The following DENND1A variants were observed in gnomAD, a reference collection of about 807,000 sequenced individuals.
The protein encoded by DENND1A is DENN domain-containing protein 1A.
DENND1A carries 51 observed loss-of-function variants against 113.7 expected under a neutral mutation model. That is an observed-to-expected ratio of 0.45 (90% CI 0.36 to 0.57). The LOEUF (loss-of-function observed/expected upper bound fraction) is 0.57, where lower values mean the gene tolerates loss of function less well. Among genes scored for constraint, DENND1A ranks in the 20% least tolerant of loss-of-function variants. The probability of loss-of-function intolerance (pLI) is 0.00; values close to 1 mark genes in which losing one functional copy is unlikely to be tolerated. For missense variants in DENND1A, 1,258 were observed against 1,395.9 expected, an observed-to-expected ratio of 0.90 and a Z score of 1.57; for synonymous variants, 565 against 570.8, an observed-to-expected ratio of 0.99 and a Z score of 0.14.
intron 10 of DENND1A, among the ~76,000 whole-genome samples, chr9:123,626,808 C>A (rs1279778017): frequency 6.6e-6 from 1 of 152,084 alleles, no homozygotes; most frequent in Non-Finnish European, 1.5e-5. Context: ...CGGGAGGCAG[C>A]AGAAAGGGGT....
intron 5 of DENND1A, among the ~76,000 whole-genome samples, chr9:123,715,051 C>T (rs1301416722): frequency 6.6e-5 from 10 of 151,762 alleles, no homozygotes; most frequent in Admixed American, 1.3e-4. Flanking sequence ...GGCATGGTGG[C>T]GGGCACCTGT....
At chr9:123,414,786 G>A (rs769268501) in intron 19 of DENND1A, among the ~76,000 whole-genome samples, 5 of 152,058 alleles carry the variant, frequency 3.3e-5, no homozygotes, top group African/African-American at 4.8e-5. Context: ...TCAGGGCCCC[G>A]CCATCCACCT....
chr9:123,646,286 T>C (rs1253555788), intron 9 of DENND1A, among the ~76,000 whole-genome samples: 1 of 152,116 alleles, frequency 6.6e-6, no homozygotes, highest in African/African-American at 2.4e-5. Context: ...AGGTGGGGAC[T>C]GAATCCTAAT....
rs866968664 is a variant in DENND1A, at chr9:123,516,137, C to T, written c.993+41433G>A. ...ACACACACACACACACACACACACA[C>T]ACACACACACACACACACAAAGGTT... On this transcript the variant is annotated intron_variant, in intron 13 of 23. Coordinates refer to ENST00000394215, the MANE Select transcript of DENND1A (RefSeq NM_001352964.2). 6.4e-5 allele frequency among the ~76,000 whole-genome samples: 9 copies of T among 141,344 alleles called. No homozygotes were observed. In the South Asian group the frequency reaches 6.8e-4, roughly 11 times the overall value. 92.7% of individuals were successfully genotyped at this position (141,344 alleles called of 152,430 possible). A position where few individuals can be genotyped will look rare whatever the true frequency, so the allele number is the denominator to read the frequency against.
intron 13 of DENND1A, among the ~76,000 whole-genome samples, chr9:123,547,133 G>A (rs2056753614): frequency 6.6e-6 from 1 of 152,222 alleles, no homozygotes; most frequent in Non-Finnish European, 1.5e-5. Flanking sequence ...CGTGGGCAGT[G>A]GAGATTTGGT....
chr9:123,851,190 C>G (rs1843294487), intron 2 of DENND1A, among the ~76,000 whole-genome samples: 1 of 152,214 alleles, frequency 6.6e-6, no homozygotes, highest in Non-Finnish European at 1.5e-5. Flanking sequence ...CTGCACTCCC[C>G]ACCACCCATC....
At chr9:123,389,064 G>A (rs189428975) in intron 21 of DENND1A, among the ~76,000 whole-genome samples, 77 of 152,344 alleles carry the variant, frequency 5.1e-4, no homozygotes, top group African/African-American at 1.5e-3. Context: ...TTCTTTTGAG[G>A]GTTTATTTCA....
At chr9:123,635,941 C>G (rs745840445) in intron 9 of DENND1A, among the ~76,000 whole-genome samples, 2 of 152,216 alleles carry the variant, frequency 1.3e-5, no homozygotes, top group Non-Finnish European at 2.9e-5. Context: ...AGAGACTAGG[C>G]TACAAGATTT....
At chr9:123,886,435 C>G (rs1849093960) in intron 1 of DENND1A, among the ~76,000 whole-genome samples, 1 of 152,152 alleles carries the variant, frequency 6.6e-6, no homozygotes, top group Non-Finnish European at 1.5e-5. Context: ...ATTTCACGGT[C>G]TTCAAAACTT....
At chr9:123,656,974 T>C (rs1390457974) in intron 8 of DENND1A, among the ~76,000 whole-genome samples, 1 of 152,228 alleles carries the variant, frequency 6.6e-6, no homozygotes, top group Non-Finnish European at 1.5e-5. Flanking sequence ...CATGAGCATG[T>C]GCCTCTCCAC....
chr9:123,387,239 A>G (rs890930898), intron 22 of DENND1A, among the ~76,000 whole-genome samples: 7 of 152,236 alleles, frequency 4.6e-5, no homozygotes. Flanking sequence ...CTTAGGCTAT[A>G]AATAATAATG....
At chr9:123,517,488 G>A (rs1427569932) in intron 13 of DENND1A, among the ~76,000 whole-genome samples, 1 of 151,844 alleles carries the variant, frequency 6.6e-6, no homozygotes, top group Non-Finnish European at 1.5e-5. Context: ...GAGCATGGTG[G>A]TGCGCCTGAA....
At chr9:123,483,619 T>G (rs1437076703) in intron 13 of DENND1A, among the ~76,000 whole-genome samples, 4 of 152,270 alleles carry the variant, frequency 2.6e-5, no homozygotes, top group Non-Finnish European at 4.4e-5. Context: ...GACTGATGTC[T>G]TGTGATGGAT....
chr9:123,873,684 T>A (rs1302487263), intron 2 of DENND1A, among the ~76,000 whole-genome samples: 1 of 152,102 alleles, frequency 6.6e-6, no homozygotes, highest in African/African-American at 2.4e-5. Context: ...ATATTAATCA[T>A]CCAATAGAAA....
chr9:123,486,327 C>G (rs940529107), intron 13 of DENND1A, among the ~76,000 whole-genome samples: 1 of 152,144 alleles, frequency 6.6e-6, no homozygotes, highest in South Asian at 2.1e-4. Flanking sequence ...GACTCGCCCC[C>G]GGAACACTGT....
At chr9:123,863,609 A>C (rs10818886) in intron 2 of DENND1A, among the ~76,000 whole-genome samples, 10,130 of 152,268 alleles carry the variant, frequency 0.067, 457 homozygotes, top group African/African-American at 0.13. Flanking sequence ...AAAAAAAAAA[A>C]AACAACTTTG....
chr9:123,553,673 G>A (rs1026137563), intron 13 of DENND1A, among the ~76,000 whole-genome samples: 6 of 152,184 alleles, frequency 3.9e-5, no homozygotes, highest in African/African-American at 1.4e-4. Flanking sequence ...AAAAATCCTA[G>A]AAGCTGGATG....
intron 13 of DENND1A, among the ~76,000 whole-genome samples, chr9:123,516,959 C>T (rs2053982447): frequency 7.1e-6 from 1 of 140,434 alleles, no homozygotes; most frequent in African/African-American, 2.7e-5. Flanking sequence ...TGAAACTTGT[C>T]AAGTGTCTCA....
rs540560892 is a variant in DENND1A, at chr9:123,380,964, G to C, written c.*468C>G. On this transcript the variant is annotated 3_prime_UTR_variant, in exon 24 of 24. Transcript: ENST00000394215. ...TTCAACCCCAAGCTACCTGTGTCTC[G>C]TGCAGATGAGCTCAAACTGGAGGGT... is the stretch of plus-strand genomic sequence containing the variant. 5.3e-4 allele frequency: 96 copies of C among 180,330 alleles called. No individual in the cohort carries two copies. The highest frequency in any genetic ancestry group is 1.0e-3 in the Non-Finnish European group (86 of 85,414). The allele number at this position is 180,330 out of a possible 1,614,324, so 11.2% of individuals were successfully genotyped here.
Sources: allele counts gnomAD v4.1 joint callset (sites outside exome capture counted in the v4.1 genomes callset), GRCh38; gene constraint gnomAD v4.1.1; transcripts MANE v1.5; gene names NCBI Gene and HGNC (gene_info 2026-07-23, HGNC 2026-07-21).